The following CERKL variants were observed in gnomAD, a reference collection of about 807,000 sequenced individuals.
CERKL encodes the protein CERK like autophagy regulator.
A neutral mutation model predicts 63.4 loss-of-function variants in CERKL; 61 were observed. The ratio of observed to expected loss-of-function variants is 0.96; its 90% CI spans 0.78 to 1.19. CERKL has a LOEUF of 1.19. CERKL is among the 50% of genes most tolerant of loss of function. The pLI, the probability that CERKL is intolerant of heterozygous loss-of-function variation, is 0.00. For synonymous variants in CERKL, 250 were observed against 230.5 expected (o/e 1.08, Z -0.77); for missense variants, 675 against 655.5 (o/e 1.03, Z -0.33).
Position 181,621,631 on chromosome 2 carries a change from T to G in CERKL, c.239-17552A>C, listed in dbSNP as rs147363193. Among the ~76,000 whole-genome samples the G allele has an allele frequency of 2.7e-3, 418 of 152,308 alleles. 2 individuals are homozygous for G. Among genetic ancestry groups the G allele is most frequent in the Non-Finnish European group, 4.5e-3 (304 of 68,018 alleles). On this transcript the variant is annotated intron_variant, in intron 1 of 12. Transcript: ENST00000410087. ...TCATCATAACACAATTACTACCGCA[T>G]AGTTAGTACTATGATAAGAAGCCAA...
intron 2 of CERKL, among the ~76,000 whole-genome samples, chr2:181,597,076 G>T (rs1190086661): frequency 1.3e-5 from 2 of 151,962 alleles, no homozygotes; most frequent in African/African-American, 2.4e-5. Flanking sequence ...ATGATAGTTT[G>T]TTATGTCTGC....
chr2:181,642,398 C>G (rs1429265193), intron 1 of CERKL, among the ~76,000 whole-genome samples: 1 of 151,444 alleles, frequency 6.6e-6, no homozygotes, highest in East Asian at 1.9e-4. Flanking sequence ...CTAAGTCTCA[C>G]GTAATCACCA....
At chr2:181,539,989 CAT>C (rs764360271) in intron 11 of CERKL, among the ~76,000 whole-genome samples, 10 of 152,310 alleles carry the variant, frequency 6.6e-5, no homozygotes, top group South Asian at 2.1e-4. Context: ...AGAAAAATGA[CAT>C]GAGATACATT....
chr2:181,632,821 T>C (rs965851159), intron 1 of CERKL, among the ~76,000 whole-genome samples: 2 of 152,002 alleles, frequency 1.3e-5, no homozygotes, highest in Admixed American at 6.6e-5. Flanking sequence ...TCAAAGTAAA[T>C]GGCCTGCTCC....
intron 1 of CERKL, among the ~76,000 whole-genome samples, chr2:181,620,251 T>C (rs553646127): frequency 6.6e-6 from 1 of 152,296 alleles, no homozygotes; most frequent in South Asian, 2.1e-4. Flanking sequence ...TTCAACTCAC[T>C]AATACTCTTT....
intron 2 of CERKL, among the ~76,000 whole-genome samples, chr2:181,582,516 CATAT>C (rs59483712): frequency 0.22 from 31,141 of 142,800 alleles, 3,882 homozygotes; most frequent in African/African-American, 0.35. Flanking sequence ...ATATTGTCAA[CATAT>C]ATATATATAT....
intron 5 of CERKL, among the ~76,000 whole-genome samples, chr2:181,557,358 G>T (rs1688257026): frequency 6.6e-6 from 1 of 152,102 alleles, no homozygotes; most frequent in Non-Finnish European, 1.5e-5. Flanking sequence ...TTCTTCTAGG[G>T]TTTTTATGGT....
In CERKL at chr2:181,547,789, G is replaced by A. The variant is rs140237265; in HGVS notation, c.1159+33C>T. On this transcript the variant is annotated intron_variant, in intron 9 of 12. Coordinates refer to ENST00000410087, the MANE Select transcript of CERKL (RefSeq NM_201548.5). ...CAGAACAAAATGTCAACAGAACCTGGCACAGTTCTCAAGGAGATACTTTTC... is the reference window on the plus strand; with the variant it reads ...CAGAACAAAATGTCAACAGAACCTGACACAGTTCTCAAGGAGATACTTTTC... 1,491 of 1,613,818 alleles carry A rather than the reference G, an allele frequency of 9.2e-4. 11 individuals are homozygous for A. The African/African-American group carries it at 0.018, about 19-fold the overall frequency.
chr2:181,542,666 A>G (rs1365578860), intron 11 of CERKL, among the ~76,000 whole-genome samples: 1 of 152,066 alleles, frequency 6.6e-6, no homozygotes, highest in Non-Finnish European at 1.5e-5. Context: ...TTAATTTTTG[A>G]AAGTTGATAA....
intron 11 of CERKL, among the ~76,000 whole-genome samples, chr2:181,544,443 A>G (rs1002804288): frequency 1.3e-5 from 2 of 152,190 alleles, no homozygotes; most frequent in African/African-American, 4.8e-5. Context: ...ATTGCAATAT[A>G]ACACTACATT....
rs1315779217 is a variant in CERKL at position 181,547,861 on chromosome 2, A to C, written c.1134-14T>G. 6.2e-7 allele frequency: 1 copy of C among 1,613,880 alleles called. No homozygotes were observed. The highest frequency in any genetic ancestry group is 8.5e-7 in the Non-Finnish European group (1 of 1,179,976). On this transcript the variant is annotated splice_polypyrimidine_tract_variant and intron_variant, in intron 8 of 12. Coordinates refer to ENST00000410087, the MANE Select transcript of CERKL (RefSeq NM_201548.5). ...CCCTGTGCCCTCCTAAAAGAAAGAA[A>C]ACAAAACAAAGACATAAAACAGATA...
At chr2:181,625,078 A>C (rs150465693) in intron 1 of CERKL, among the ~76,000 whole-genome samples, 1 of 152,212 alleles carries the variant, frequency 6.6e-6, no homozygotes. Context: ...GAGGACAGAC[A>C]TGGGAAAATG....
rs762150607 is a variant in CERKL at position 181,538,224 on chromosome 2, CTGA to C, written c.1556_1558del (p.Ile519del). ...TTCTTCCATGCTTCCTCCATAAAGA[CTGA>C]TAAGTCTTGGATGCAATCTGTAAAG... On this transcript the variant is annotated inframe_deletion, in exon 13 of 13. Coordinates refer to ENST00000410087, the MANE Select transcript of CERKL (RefSeq NM_201548.5). 2 of 1,592,624 alleles carry C rather than the reference CTGA, an allele frequency of 1.3e-6. No individual in the cohort carries two copies. The highest frequency in any genetic ancestry group is 1.3e-5 in the African/African-American group (1 of 74,452).
At chr2:181,578,600 G>T (rs1684364943) in intron 2 of CERKL, among the ~76,000 whole-genome samples, 1 of 151,896 alleles carries the variant, frequency 6.6e-6, no homozygotes, top group African/African-American at 2.4e-5. Context: ...GTTTGTCCTT[G>T]TCTAGGAATA....
rs1687169198 is a variant in CERKL, at chr2:181,537,176, C to G, written c.*1008G>C. On this transcript the variant is annotated 3_prime_UTR_variant, in exon 13 of 13. Transcript: ENST00000410087. The stretch of plus-strand genomic sequence containing the variant: ...GCTAGTCATTCTTTCAGGAGAACAT[C>G]TAGGATCATAGATGAAAAATCAAGC... 1 of 453,890 alleles carries G rather than the reference C, an allele frequency of 2.2e-6. No homozygotes were observed. The highest frequency in any genetic ancestry group is 4.4e-6 in the Non-Finnish European group (1 of 226,642). The allele number at this position is 453,890 out of a possible 1,614,324, so 28.1% of individuals were successfully genotyped here.
intron 1 of CERKL, among the ~76,000 whole-genome samples, chr2:181,653,841 T>G (rs1043821398): frequency 8.5e-5 from 13 of 152,210 alleles, no homozygotes; most frequent in African/African-American, 3.1e-4. Context: ...TTTTGTTGCA[T>G]AGTATGGTGA....
chr2:181,622,105 C>G (rs1196556509), intron 1 of CERKL, among the ~76,000 whole-genome samples: 3 of 152,108 alleles, frequency 2.0e-5, no homozygotes, highest in Non-Finnish European at 4.4e-5. Context: ...ATAGGTTCTG[C>G]TAATCAAGTC....
chr2:181,560,658 AC>A (rs1382163980), intron 4 of CERKL, among the ~76,000 whole-genome samples: 1 of 152,146 alleles, frequency 6.6e-6, no homozygotes, highest in African/African-American at 2.4e-5. Context: ...AGATAAAGTA[AC>A]TTTTTCAAGA....
chr2:181,578,889 C>T (rs1032315488), intron 2 of CERKL, among the ~76,000 whole-genome samples: 4 of 152,092 alleles, frequency 2.6e-5, no homozygotes, highest in African/African-American at 9.7e-5. Flanking sequence ...GAATGCTATT[C>T]TCCATCTATT....
Sources: gnomAD v4.1 joint callset for allele counts (sites outside exome capture counted in the v4.1 genomes callset) on GRCh38, gnomAD v4.1.1 for gene constraint, MANE v1.5 for transcripts, NCBI Gene and HGNC (gene_info 2026-07-23, HGNC 2026-07-21) for gene names.